The following EXT1 variants were observed in gnomAD, a reference collection of about 807,000 sequenced individuals.
EXT1 encodes exostosin-1.
A neutral mutation model predicts 82.5 loss-of-function variants in EXT1; 20 were observed. The observed-to-expected ratio is 0.24, with a 90% CI of 0.17 to 0.35. The LOEUF is 0.35. Ranked by LOEUF, EXT1 falls within the 10% of genes least tolerant of loss-of-function variation. The probability of loss-of-function intolerance (pLI) is 1.00; values close to 1 mark genes in which losing one functional copy is unlikely to be tolerated. For missense variants in EXT1, 757 were observed against 936.5 expected (o/e 0.81, Z 2.50); for synonymous variants, 348 against 350.8 (o/e 0.99, Z 0.09).
chr8:117,929,384 G>A (rs1814009278), intron 1 of EXT1, among the ~76,000 whole-genome samples: 4 of 152,122 alleles, frequency 2.6e-5, no homozygotes, highest in South Asian at 4.1e-4. Context: ...AATATGATAC[G>A]AGCACTTCCT....
chr8:117,912,472 T>A (rs1813666099), intron 1 of EXT1, among the ~76,000 whole-genome samples: 1 of 152,222 alleles, frequency 6.6e-6, no homozygotes, highest in Non-Finnish European at 1.5e-5. Context: ...GAAGAGATCT[T>A]GAAAATAATT....
intron 1 of EXT1, among the ~76,000 whole-genome samples, chr8:117,882,226 A>G (rs532852651): frequency 2.6e-5 from 4 of 152,236 alleles, no homozygotes; most frequent in Admixed American, 1.3e-4. Flanking sequence ...GACTACAGGC[A>G]TGCACCACCA....
At chr8:117,980,696 TG>T (rs745996387) in intron 1 of EXT1, among the ~76,000 whole-genome samples, 1 of 7,930 alleles carries the variant, frequency 1.3e-4, no homozygotes, top group Non-Finnish European at 2.1e-4. Flanking sequence ...CGGGTGTTGG[TG>T]GTTTTTTTTT....
chr8:117,869,353 G>A (rs1161279646), intron 1 of EXT1, among the ~76,000 whole-genome samples: 1 of 152,204 alleles, frequency 6.6e-6, no homozygotes, highest in Admixed American at 6.5e-5. Context: ...AGGACAAACT[G>A]TAAGCTCAGC....
chr8:117,911,209 A>G lies in EXT1; in HGVS notation c.963-74008T>C, dbSNP rs17430659. ...AGTTCTTTGATAATTAAATTTCCCC[A>G]GTTGTGTAATTAAGCCAATGGCAGG... On this transcript the variant is annotated intron_variant, in intron 1 of 10. Transcript: ENST00000378204. Among the ~76,000 whole-genome samples, 615 of 152,300 alleles carry G rather than the reference A, an allele frequency of 4.0e-3. 1 individual carries two copies. Among genetic ancestry groups the G allele is most frequent in the Non-Finnish European group, 7.0e-3 (479 of 68,024 alleles).
chr8:117,929,736 T>C (rs985379704), intron 1 of EXT1, among the ~76,000 whole-genome samples: 2 of 152,226 alleles, frequency 1.3e-5, no homozygotes, highest in African/African-American at 4.8e-5. Context: ...ATTAACATGC[T>C]TCTCTCAGCA....
At chr8:117,986,292 C>G (rs1200769582) in intron 1 of EXT1, among the ~76,000 whole-genome samples, 2 of 151,366 alleles carry the variant, frequency 1.3e-5, no homozygotes, top group Admixed American at 1.3e-4. Flanking sequence ...TGGGTTCAAG[C>G]GATTCTCCTG....
At chr8:117,934,840 G>A (rs1185363736) in intron 1 of EXT1, among the ~76,000 whole-genome samples, 1 of 152,110 alleles carries the variant, frequency 6.6e-6, no homozygotes, top group Admixed American at 6.5e-5. Flanking sequence ...CAAGAAAATG[G>A]TATGCAGAAA....
intron 1 of EXT1, among the ~76,000 whole-genome samples, chr8:117,959,836 A>G (rs918834541): frequency 2.0e-5 from 3 of 152,246 alleles, no homozygotes; most frequent in African/African-American, 7.2e-5. Context: ...TCTAAAAGAT[A>G]GTAAAGTTAC....
intron 1 of EXT1, among the ~76,000 whole-genome samples, chr8:118,085,524 T>C (rs796194333): frequency 2.0e-5 from 3 of 150,250 alleles, no homozygotes; most frequent in African/African-American, 7.3e-5. Flanking sequence ...CCAAAGAATA[T>C]GGGAACATAC....
At chr8:117,877,847 G>A (rs1378591063) in intron 1 of EXT1, among the ~76,000 whole-genome samples, 3 of 151,952 alleles carry the variant, frequency 2.0e-5, no homozygotes, top group Non-Finnish European at 4.4e-5. Context: ...TAAACAACAA[G>A]TTTTAATGTT....
At chr8:118,014,250 A>G (rs896582847) in intron 1 of EXT1, among the ~76,000 whole-genome samples, 1 of 152,192 alleles carries the variant, frequency 6.6e-6, no homozygotes, top group Non-Finnish European at 1.5e-5. Context: ...AAGAATAAGG[A>G]TACTTCAGCC....
intron 1 of EXT1, among the ~76,000 whole-genome samples, chr8:118,023,115 T>C (rs977541077): frequency 6.6e-6 from 1 of 152,176 alleles, no homozygotes; most frequent in Non-Finnish European, 1.5e-5. Context: ...ATTCAAAATG[T>C]TTCATAAATG....
At chr8:118,084,967 T>G (rs1419285803) in intron 1 of EXT1, among the ~76,000 whole-genome samples, 1 of 152,238 alleles carries the variant, frequency 6.6e-6, no homozygotes, top group African/African-American at 2.4e-5. Context: ...TAAAGCCCAG[T>G]GCCTTACACA....
chr8:118,063,790 C>T (rs1328300601), intron 1 of EXT1, among the ~76,000 whole-genome samples: 1 of 152,200 alleles, frequency 6.6e-6, no homozygotes, highest in Admixed American at 6.5e-5. Context: ...TCAGATCTTA[C>T]ATTATTATTA....
intron 1 of EXT1, among the ~76,000 whole-genome samples, chr8:117,974,945 C>T (rs1310994142): frequency 6.6e-6 from 1 of 152,164 alleles, no homozygotes; most frequent in East Asian, 1.9e-4. Flanking sequence ...CCCCTGGCTC[C>T]CACCATATAA....
At chr8:117,971,452 C>T (rs113532486) in intron 1 of EXT1, among the ~76,000 whole-genome samples, 23 of 152,020 alleles carry the variant, frequency 1.5e-4, no homozygotes, top group Non-Finnish European at 2.9e-4. Flanking sequence ...TTTTAGGAGT[C>T]AAGGGGACTA....
intron 1 of EXT1, among the ~76,000 whole-genome samples, chr8:117,951,085 C>T (rs750568576): frequency 3.6e-4 from 55 of 152,034 alleles, no homozygotes; most frequent in Non-Finnish European, 6.8e-4. Flanking sequence ...AGATCATTTC[C>T]TTATGGAAAC....
At chr8:117,892,879 A>C (rs759569234) in intron 1 of EXT1, among the ~76,000 whole-genome samples, 1 of 152,262 alleles carries the variant, frequency 6.6e-6, no homozygotes, top group Non-Finnish European at 1.5e-5. Flanking sequence ...TTTTGGCCTG[A>C]GGAACTCAGA....
Sources: allele counts gnomAD v4.1 joint callset (sites outside exome capture counted in the v4.1 genomes callset), GRCh38; gene constraint gnomAD v4.1.1; transcripts MANE v1.5; gene names NCBI Gene and HGNC (gene_info 2026-07-23, HGNC 2026-07-21).